Variants in GALNT12 observed in about 807,000 individuals in gnomAD.
The protein encoded by GALNT12 is UDP-GalNAc:polypeptide N-acetylgalactosaminyltransferase 12.
GALNT12 carries 45 observed loss-of-function variants against 55.5 expected under a neutral mutation model. That is an observed-to-expected ratio of 0.81 (90% CI 0.64 to 1.04). GALNT12 has a LOEUF of 1.04. GALNT12 is among the 50% of genes least tolerant of loss of function. The pLI is 0.00. For missense variants in GALNT12, 709 were observed against 754.8 expected (o/e 0.94, Z 0.71); for synonymous variants, 304 against 312.2 (o/e 0.97, Z 0.28).
rs1423510067 is a variant in GALNT12, at chr9:98,812,329, G to A, written c.371+4260G>A. Among the ~76,000 whole-genome samples, 17 of 152,080 alleles carry A rather than the reference G, an allele frequency of 1.1e-4. No homozygotes were observed. In the East Asian group the frequency reaches 3.1e-3, roughly 28 times the overall value. ...ATCCAGGCCAGGAGTGGTGGCTCAC[G>A]CCTATAATCTCAACACTTTGGAAGG... On this transcript the variant is annotated intron_variant, in intron 1 of 9. Transcript: ENST00000375011.
intron 7 of GALNT12, among the ~76,000 whole-genome samples, chr9:98,842,846 A>T (rs766050121): frequency 1.3e-5 from 2 of 152,238 alleles, no homozygotes; most frequent in African/African-American, 4.8e-5. Flanking sequence ...TTAACTCAGT[A>T]TATCCCAAAT....
rs929064644 is a variant in GALNT12, at chr9:98,835,158, C to G, written c.918-91C>G. ...GATATGCTTAGAGATGACAGATGAA[C>G]AGATGAAAGGGCTCGTGGTGGGAAG... On this transcript the variant is annotated intron_variant, in intron 4 of 9. Transcript: ENST00000375011. The G allele has an allele frequency of 3.4e-6, 3 of 893,884 alleles. No individual in the cohort carries two copies. The African/African-American group carries it at 4.9e-5, about 15-fold the overall frequency. The allele number at this position is 893,884 out of a possible 1,614,324, so 55.4% of individuals were successfully genotyped here. A position where few individuals can be genotyped will look rare whatever the true frequency, so the allele number is the denominator to read the frequency against.
chr9:98,824,250 T>A (rs1244549706), intron 2 of GALNT12, among the ~76,000 whole-genome samples: 1 of 152,166 alleles, frequency 6.6e-6, no homozygotes, highest in East Asian at 1.9e-4. Flanking sequence ...TAGTCTAGAA[T>A]GGGTGTGGTG....
intron 4 of GALNT12, among the ~76,000 whole-genome samples, chr9:98,832,449 T>C (rs868099201): frequency 1.2e-4 from 18 of 151,848 alleles, no homozygotes; most frequent in Admixed American, 1.1e-3. Flanking sequence ...AGTCAAGGAG[T>C]TCAAGGCTTT....
At position 98,823,252 on chromosome 9, in the gene GALNT12, G is replaced by T. The variant is rs943412876; in HGVS notation, c.372-4G>T. On this transcript the variant is annotated splice_polypyrimidine_tract_variant and splice_region_variant and intron_variant, in intron 1 of 9. Transcript: ENST00000375011. ...GAGTTCCTGAAGTTCCGCTGTATTT[G>T]CAGGTGCAAAGAGAAGAAATATGAT... The T allele has an allele frequency of 3.1e-6, 5 of 1,613,936 alleles. No homozygotes were observed. The highest frequency in any genetic ancestry group is 4.2e-6 in the Non-Finnish European group (5 of 1,179,912).
chr9:98,826,898 C>CA lies in GALNT12; in HGVS notation c.689dup (p.His230GlnfsTer3), dbSNP rs1835870817. 1 of 1,583,440 alleles carries CA rather than the reference C, an allele frequency of 6.3e-7. No homozygotes were observed. Reference sequence around the variant, plus strand: ...CGATGTTCTGACCTTCCTGGACTGTCACTGTGAGTGCCACGAAGGGTGGCT... The same window carrying CA: ...CGATGTTCTGACCTTCCTGGACTGTCAACTGTGAGTGCCACGAAGGGTGGCT... On this transcript the variant is annotated frameshift_variant, in exon 3 of 10. Coordinates refer to ENST00000375011, the MANE Select transcript of GALNT12 (RefSeq NM_024642.5). LOFTEE classifies it high-confidence loss of function.
Position 98,846,022 on chromosome 9 carries a change from C to A in GALNT12, c.1504C>A (p.Gln502Lys). ...GAAAGAAATACGCTATAACACCCACCAGCCTGAGGGCTGCATTGCTGTGGA... is the reference window on the plus strand; with the variant it reads ...GAAAGAAATACGCTATAACACCCACAAGCCTGAGGGCTGCATTGCTGTGGA... ...SQKEIRYNTHQPEGCIAVEAG... is the reference protein window; with the variant it reads ...SQKEIRYNTHKPEGCIAVEAG... The change falls in exon 9 of 10, where the codon CAG becomes AAG. Residue 502 changes from glutamine to lysine, a missense_variant. Coordinates refer to ENST00000375011, the MANE Select transcript of GALNT12 (RefSeq NM_024642.5). 1 of 1,614,176 alleles carries A rather than the reference C, an allele frequency of 6.2e-7. No homozygotes were observed. Among genetic ancestry groups the A allele is most frequent in the Non-Finnish European group, 8.5e-7 (1 of 1,180,014 alleles).
At chr9:98,811,838 A>G (rs998856641) in intron 1 of GALNT12, among the ~76,000 whole-genome samples, 1 of 151,936 alleles carries the variant, frequency 6.6e-6, no homozygotes, top group Non-Finnish European at 1.5e-5. Flanking sequence ...AAGCGCCACC[A>G]CACCCAGCTA....
Position 98,844,207 on chromosome 9 carries a change from C to T in GALNT12, c.1456C>T (p.Gln486Ter), listed in dbSNP as rs2118494579. The T allele has an allele frequency of 6.3e-7, 1 of 1,585,678 alleles. No individual in the cohort carries two copies. The highest frequency in any genetic ancestry group is 8.7e-7 in the Non-Finnish European group (1 of 1,154,088). ...CCTCTGTCATGGGATGGGCCAGAAT[C>T]AGGTAGGTATGAGCCTCAAAAGAGG... Reference protein sequence around the residue: ...LYLCHGMGQNQFFEYTSQKEI... With the variant: ...LYLCHGMGQN The change falls in exon 8 of 10, where the codon CAG (glutamine) becomes TAG (stop). Residue 486 changes from glutamine (Q) to a stop codon, truncating the protein, a stop_gained and splice_region_variant. Coordinates refer to ENST00000375011, the MANE Select transcript of GALNT12 (RefSeq NM_024642.5). LOFTEE classifies it high-confidence loss of function.
intron 9 of GALNT12, among the ~76,000 whole-genome samples, chr9:98,846,366 C>T (rs1441156212): frequency 4.6e-5 from 7 of 152,080 alleles, no homozygotes; most frequent in Non-Finnish European, 7.4e-5. Context: ...TTGTCCAGTC[C>T]CTTTTAGTCT....
chr9:98,814,966 T>C (rs1835579316), intron 1 of GALNT12, among the ~76,000 whole-genome samples: 1 of 152,166 alleles, frequency 6.6e-6, no homozygotes. Context: ...ACAAAGCACA[T>C]GCAATATACC....
At position 98,823,460 on chromosome 9, in the gene GALNT12, C is replaced by G. The variant is rs139632096; in HGVS notation, c.541+35C>G. ...GGCCAGGGCTCTGGGAAGAGCCTGT[C>G]CTTCTGTAGCAGTGTCTGGGAGGTG... On this transcript the variant is annotated intron_variant, in intron 2 of 9. Transcript: ENST00000375011. 340 of 1,586,736 alleles carry G rather than the reference C, an allele frequency of 2.1e-4. No individual in the cohort carries two copies. The African/African-American group carries it at 3.2e-3, about 15-fold the overall frequency.
At chr9:98,823,097 T>C (rs148796555) in intron 1 of GALNT12, among the ~76,000 whole-genome samples, 159 bp from the exon 2 acceptor site, 1 of 152,318 alleles carries the variant, frequency 6.6e-6, no homozygotes, top group Non-Finnish European at 1.5e-5. Context: ...TCTTGGAGTC[T>C]GCTGGGGCTC....
chr9:98,810,060 G>T (rs1321557234), intron 1 of GALNT12, among the ~76,000 whole-genome samples: 1 of 152,202 alleles, frequency 6.6e-6, no homozygotes, highest in Non-Finnish European at 1.5e-5. Flanking sequence ...TGTTGGGCCA[G>T]GCTTTGAGAT....
chr9:98,833,275 T>C (rs922378481), intron 4 of GALNT12, among the ~76,000 whole-genome samples: 4 of 152,130 alleles, frequency 2.6e-5, no homozygotes, highest in African/African-American at 4.8e-5. Context: ...GAACCGGAAG[T>C]AGGCTCTGAG....
intron 1 of GALNT12, 67 bp downstream of exon 1, chr9:98,808,136 C>A: frequency 1.5e-6 from 2 of 1,345,562 alleles, no homozygotes; most frequent in Non-Finnish European, 2.0e-6. Context: ...TCCATCAGAG[C>A]AGTGGCAGGG....
chr9:98,844,827 A>G (rs1836375610), intron 8 of GALNT12, among the ~76,000 whole-genome samples: 1 of 152,010 alleles, frequency 6.6e-6, no homozygotes, highest in African/African-American at 2.4e-5. Context: ...GTCCTGGGGG[A>G]GTCTGAAGAC....
intron 1 of GALNT12, among the ~76,000 whole-genome samples, chr9:98,822,947 G>A (rs1835777242): frequency 6.6e-6 from 1 of 152,184 alleles, no homozygotes. Flanking sequence ...CAGAAAGGAG[G>A]GCGATGGGGA....
chr9:98,831,636 T>C, intron 3 of GALNT12, 136 bp from the exon 4 acceptor site: 1 of 1,024,630 alleles, frequency 9.8e-7, no homozygotes, highest in Non-Finnish European at 1.5e-6. Context: ...ACACCTGGAA[T>C]AAGAGAAGCA....
Sources: allele counts gnomAD v4.1 joint callset (sites outside exome capture counted in the v4.1 genomes callset), GRCh38; gene constraint gnomAD v4.1.1; transcripts MANE v1.5; gene names NCBI Gene and HGNC (gene_info 2026-07-23, HGNC 2026-07-21).